Variants in MAST4 observed in about 807,000 individuals in gnomAD.
MAST4 encodes microtubule associated serine/threonine kinase family member 4.
A neutral mutation model predicts 162.7 loss-of-function variants in MAST4; 89 were observed. The observed-to-expected ratio is 0.55, with a 90% CI of 0.46 to 0.65. MAST4 has a LOEUF of 0.65. MAST4 is among the 30% of genes least tolerant of loss of function. The pLI is 0.00. For synonymous variants in MAST4, 1,479 were observed against 1,361.1 expected, an observed-to-expected ratio of 1.09 and a Z score of -1.91; for missense variants, 3,153 against 3,374.0, an observed-to-expected ratio of 0.93 and a Z score of 1.62.
chr5:66,972,530 G>C (rs566490423), intron 4 of MAST4, among the ~76,000 whole-genome samples: 10 of 152,244 alleles, frequency 6.6e-5, no homozygotes, highest in African/African-American at 2.2e-4. Flanking sequence ...AATCTTTGCA[G>C]TGTGCACATG....
intron 3 of MAST4, among the ~76,000 whole-genome samples, chr5:66,840,515 T>C (rs1758344853): frequency 6.7e-6 from 1 of 150,336 alleles, no homozygotes; most frequent in Non-Finnish European, 1.5e-5. Context: ...GATTCAATCC[T>C]TAAATTTTTT....
At chr5:66,964,334 C>G (rs1453786355) in intron 4 of MAST4, among the ~76,000 whole-genome samples, 1 of 152,116 alleles carries the variant, frequency 6.6e-6, no homozygotes, top group Non-Finnish European at 1.5e-5. Flanking sequence ...TACATTTTAG[C>G]ATAGTTTGTT....
At chr5:66,637,124 C>A (rs1745172441) in intron 1 of MAST4, among the ~76,000 whole-genome samples, 1 of 152,120 alleles carries the variant, frequency 6.6e-6, no homozygotes, top group Non-Finnish European at 1.5e-5. Context: ...AGTTTTTCCC[C>A]CCTCACTTGA....
At chr5:66,759,462 C>G (rs1213872328) in intron 1 of MAST4, among the ~76,000 whole-genome samples, 3 of 152,160 alleles carry the variant, frequency 2.0e-5, no homozygotes, top group African/African-American at 4.8e-5. Flanking sequence ...TCATGACCCA[C>G]TAATGTGCTG....
chr5:66,654,079 T>C (rs1746395787), intron 1 of MAST4, among the ~76,000 whole-genome samples: 1 of 152,128 alleles, frequency 6.6e-6, no homozygotes, highest in South Asian at 2.1e-4. Context: ...GCTTACAGAT[T>C]AGGGAAGGAA....
intron 6 of MAST4, 142 bp downstream of exon 6, chr5:67,090,373 T>C (rs1487764767): frequency 2.9e-6 from 1 of 346,646 alleles, no homozygotes; most frequent in Non-Finnish European, 5.2e-6. Context: ...CCACTTCCCC[T>C]TCTGCCCCTC....
chr5:67,119,093 AG>A (rs1767268177), intron 13 of MAST4, among the ~76,000 whole-genome samples: 1 of 152,208 alleles, frequency 6.6e-6, no homozygotes, highest in African/African-American at 2.4e-5. Context: ...CTTGAGTAAA[AG>A]CTGGATGCTT....
At position 66,648,087 on chromosome 5, in the gene MAST4, A is replaced by T. The variant is rs113444946; in HGVS notation, c.363+51069A>T. Among the ~76,000 whole-genome samples, 569 of 94,236 alleles carry T rather than the reference A, an allele frequency of 6.0e-3. 2 individuals are homozygous for T. Among genetic ancestry groups the T allele is most frequent in the East Asian group, 0.027 (101 of 3,764 alleles). The allele number at this position is 94,236 out of a possible 152,430, so 61.8% of individuals were successfully genotyped here. On this transcript the variant is annotated intron_variant, in intron 1 of 28. Coordinates refer to ENST00000403625, the MANE Select transcript of MAST4 (RefSeq NM_001164664.2). Reference sequence around the variant, plus strand: ...GTGTGTGTGTGTGTGTGTGTGTGAGAGAGAGAGAGAGAGAGAGATTTAGTA... The same window carrying T: ...GTGTGTGTGTGTGTGTGTGTGTGAGTGAGAGAGAGAGAGAGAGATTTAGTA...
chr5:66,796,556 A>G (rs539713808), intron 3 of MAST4, among the ~76,000 whole-genome samples: 1 of 152,312 alleles, frequency 6.6e-6, no homozygotes, highest in African/African-American at 2.4e-5. Flanking sequence ...CTGTTATCAA[A>G]GGTCCATTTG....
chr5:66,704,492 C>CTTTTTTTTTTT (rs1172510331), intron 1 of MAST4, among the ~76,000 whole-genome samples: 23 of 97,354 alleles, frequency 2.4e-4, no homozygotes, highest in African/African-American at 4.3e-4. Flanking sequence ...GCTTGTTGTT[C>CTTTTTTTTTTT]TTTTTTTTTT....
chr5:66,744,368 G>A (rs752136259), intron 1 of MAST4, among the ~76,000 whole-genome samples: 1 of 152,064 alleles, frequency 6.6e-6, no homozygotes, highest in African/African-American at 2.4e-5. Context: ...CAAACAGCTC[G>A]TTTTCCCTCT....
chr5:66,780,248 C>T (rs945001610), intron 2 of MAST4, among the ~76,000 whole-genome samples: 2 of 152,088 alleles, frequency 1.3e-5, no homozygotes, highest in East Asian at 3.9e-4. Context: ...CCCTGTAAAC[C>T]ACTGTTACAC....
Position 67,032,540 on chromosome 5 carries a change from A to G in MAST4, c.675-21864A>G, listed in dbSNP as rs1230591562. ...TATAAGGTATCATGTTAGAATAAAT[A>G]AGACCGGTTTTAAACGCCATTTTTA... On this transcript the variant is annotated intron_variant, in intron 4 of 28. Transcript: ENST00000403625. 3.9e-5 allele frequency among the ~76,000 whole-genome samples: 6 copies of G among 152,288 alleles called. No homozygotes were observed. The South Asian group carries it at 1.2e-3, about 32-fold the overall frequency.
chr5:66,649,429 G>A (rs1746069146), intron 1 of MAST4, among the ~76,000 whole-genome samples: 1 of 152,320 alleles, frequency 6.6e-6, no homozygotes, highest in Non-Finnish European at 1.5e-5. Context: ...TAGAGGAGCA[G>A]AAGTGGGCCA....
At chr5:67,092,823 C>T (rs1454160474) in intron 6 of MAST4, among the ~76,000 whole-genome samples, 1 of 147,594 alleles carries the variant, frequency 6.8e-6, no homozygotes. Flanking sequence ...GTCAGGCCTA[C>T]TAAAGATCAT....
chr5:67,162,541 G>T, intron 27 of MAST4, 66 bp from the exon 28 acceptor site: 1 of 1,455,160 alleles, frequency 6.9e-7, no homozygotes, highest in Non-Finnish European at 9.6e-7. Context: ...TGAGCACAAT[G>T]GTATTTTGGG....
chr5:66,737,377 G>A (rs1428331831), intron 1 of MAST4, among the ~76,000 whole-genome samples: 1 of 152,134 alleles, frequency 6.6e-6, no homozygotes, highest in Non-Finnish European at 1.5e-5. Context: ...AAGCCACAAT[G>A]CCTCTTACAG....
At position 67,165,535 on chromosome 5, in the gene MAST4, C is replaced by G. The variant is rs55882716; in HGVS notation, c.6356C>G (p.Pro2119Arg). 1 of 1,613,872 alleles carries G rather than the reference C, an allele frequency of 6.2e-7. No homozygotes were observed. The highest frequency in any genetic ancestry group is 8.5e-7 in the Non-Finnish European group (1 of 1,179,884). Residue 2119 changes from proline to arginine, a missense_variant, in exon 29 of 29, where the codon CCT becomes CGT. Coordinates refer to ENST00000403625, the MANE Select transcript of MAST4 (RefSeq NM_001164664.2). ...PSLQKDGAKE[P>R]ERKEQPLQRH... ...TTGCAGAAAGATGGTGCCAAGGAAC[C>G]TGAAAGGAAGGAGCAGCCTCTACAA...
At chr5:66,767,429 A>G (rs1754152012) in intron 2 of MAST4, among the ~76,000 whole-genome samples, 1 of 152,124 alleles carries the variant, frequency 6.6e-6, no homozygotes, top group South Asian at 2.1e-4. Context: ...GGAATCACAG[A>G]AGGAGAGAAG....
Sources: gnomAD v4.1 joint callset for allele counts (sites outside exome capture counted in the v4.1 genomes callset) on GRCh38, gnomAD v4.1.1 for gene constraint, MANE v1.5 for transcripts, NCBI Gene and HGNC (gene_info 2026-07-23, HGNC 2026-07-21) for gene names.